SCHIP1: variants seen among roughly 807,000 people sequenced by gnomAD.
SCHIP1 encodes the protein schwannomin interacting protein 1.
Under a neutral mutation model 29.7 loss-of-function variants are expected in SCHIP1, and 8 were observed. That is an observed-to-expected ratio of 0.27 (90% CI 0.16 to 0.49). The LOEUF (loss-of-function observed/expected upper bound fraction) is 0.49, where lower values mean the gene tolerates loss of function less well. SCHIP1 is among the 20% of genes least tolerant of loss of function. The pLI, the probability that SCHIP1 is intolerant of heterozygous loss-of-function variation, is 0.99. For synonymous variants in SCHIP1, 76 were observed against 94.9 expected (o/e 0.80, Z 1.16); for missense variants, 193 against 294.6 (o/e 0.66, Z 2.52).
At chr3:159,807,457 T>C in the SCHIP1 span, among the ~76,000 whole-genome samples, 1 of 152,202 alleles carries the variant, frequency 6.6e-6, no homozygotes, top group Non-Finnish European at 1.5e-5. Flanking sequence ...TCTCTCTGAT[T>C]CTGTAAAAAG....
the SCHIP1 span, among the ~76,000 whole-genome samples, chr3:159,277,879 C>T: frequency 6.6e-6 from 1 of 151,598 alleles, no homozygotes; most frequent in Non-Finnish European, 1.5e-5. Flanking sequence ...CATACCATTG[C>T]ACTCCAGCCT....
the SCHIP1 span, among the ~76,000 whole-genome samples, chr3:159,766,291 CTG>C: frequency 1.1e-4 from 16 of 152,256 alleles, no homozygotes; most frequent in African/African-American, 2.9e-4. Context: ...AGGATGGTAA[CTG>C]TGTTTCACAG....
chr3:159,499,987 A>ATTT, the SCHIP1 span, among the ~76,000 whole-genome samples: 1 of 149,508 alleles, frequency 6.7e-6, no homozygotes, highest in Non-Finnish European at 1.5e-5. Context: ...CATTTTATAC[A>ATTT]TTTTTTTTTT....
intron 2 of SCHIP1, among the ~76,000 whole-genome samples, chr3:159,870,064 T>C (rs1438942765): frequency 1.3e-5 from 2 of 151,998 alleles, no homozygotes; most frequent in African/African-American, 4.8e-5. Flanking sequence ...ACTAGTATTA[T>C]ATTCAGCCAC....
chr3:159,668,967 T>C, the SCHIP1 span, among the ~76,000 whole-genome samples: 6 of 152,224 alleles, frequency 3.9e-5, no homozygotes, highest in Admixed American at 2.6e-4. Flanking sequence ...TTTGAAGCAA[T>C]GCAGTCTTTT....
the SCHIP1 span, among the ~76,000 whole-genome samples, chr3:159,420,343 G>C: frequency 6.6e-6 from 1 of 152,162 alleles, no homozygotes; most frequent in Non-Finnish European, 1.5e-5. Flanking sequence ...ATGGAGGATG[G>C]TTGGAACAAT....
chr3:159,575,197 G>A, the SCHIP1 span, among the ~76,000 whole-genome samples: 10 of 152,140 alleles, frequency 6.6e-5, no homozygotes, highest in Non-Finnish European at 1.2e-4. Flanking sequence ...ATCACGCTGC[G>A]ATCTGCAGAC....
At chr3:159,630,440 C>T in the SCHIP1 span, among the ~76,000 whole-genome samples, 2 of 151,914 alleles carry the variant, frequency 1.3e-5, no homozygotes, top group East Asian at 1.9e-4. Context: ...CATCAACCAA[C>T]GAGTATATGT....
the SCHIP1 span, among the ~76,000 whole-genome samples, chr3:159,509,640 G>C: frequency 6.6e-6 from 1 of 152,164 alleles, no homozygotes; most frequent in Non-Finnish European, 1.5e-5. Context: ...ACTTCCTTCA[G>C]GAGCTCTTTT....
chr3:159,604,268 T>C, the SCHIP1 span, among the ~76,000 whole-genome samples: 2 of 152,200 alleles, frequency 1.3e-5, no homozygotes, highest in Non-Finnish European at 2.9e-5. Flanking sequence ...AATTTCCTAA[T>C]GAAGTCATAA....
the SCHIP1 span, among the ~76,000 whole-genome samples, chr3:159,814,964 T>C: frequency 6.6e-6 from 1 of 152,196 alleles, no homozygotes; most frequent in Non-Finnish European, 1.5e-5. Flanking sequence ...TTAATTGATT[T>C]CTGAGGATTT....
At chr3:159,273,866 G>A in the SCHIP1 span, 9 of 1,613,456 alleles carry the variant, frequency 5.6e-6, no homozygotes, top group Non-Finnish European at 7.6e-6. Flanking sequence ...CTGTGACCAG[G>A]GCAAGCACTC....
chr3:159,602,696 T>C, the SCHIP1 span, among the ~76,000 whole-genome samples: 1 of 145,846 alleles, frequency 6.9e-6, no homozygotes, highest in African/African-American at 2.7e-5. Flanking sequence ...GCGACAGAGC[T>C]AGAATCCATC....
At chr3:159,591,052 C>T in the SCHIP1 span, among the ~76,000 whole-genome samples, 4 of 151,722 alleles carry the variant, frequency 2.6e-5, no homozygotes, top group Non-Finnish European at 5.9e-5. Context: ...CAAAGCCTCT[C>T]CTTATGGTTT....
At chr3:159,357,972 A>G in the SCHIP1 span, among the ~76,000 whole-genome samples, 7 of 152,340 alleles carry the variant, frequency 4.6e-5, 1 homozygote, top group South Asian at 1.4e-3. Context: ...AGGGGCACAC[A>G]GAGGGGAAAG....
chr3:159,491,555 G>A, the SCHIP1 span, among the ~76,000 whole-genome samples: 4 of 152,212 alleles, frequency 2.6e-5, no homozygotes, highest in Admixed American at 6.5e-5. Flanking sequence ...CGAGGCTGGG[G>A]GAGGGGCGCC....
chr3:159,656,183 G>A, the SCHIP1 span, among the ~76,000 whole-genome samples: 1 of 152,176 alleles, frequency 6.6e-6, no homozygotes, highest in Non-Finnish European at 1.5e-5. Context: ...TACATTAAAT[G>A]AGTACCTACG....
chr3:159,677,940 G>A, the SCHIP1 span, among the ~76,000 whole-genome samples: 4 of 152,104 alleles, frequency 2.6e-5, no homozygotes, highest in Non-Finnish European at 5.9e-5. Flanking sequence ...GCCTCAAGCA[G>A]TCCTCCCACC....
the SCHIP1 span, among the ~76,000 whole-genome samples, chr3:159,569,857 A>G: frequency 6.6e-6 from 1 of 152,132 alleles, no homozygotes; most frequent in Non-Finnish European, 1.5e-5. Context: ...AATGATTGCC[A>G]TTCTAACTGG....
Sources: gnomAD v4.1 joint callset for allele counts (sites outside exome capture counted in the v4.1 genomes callset) on GRCh38, gnomAD v4.1.1 for gene constraint, MANE v1.5 for transcripts, NCBI Gene and HGNC (gene_info 2026-07-23, HGNC 2026-07-21) for gene names.